DGKZ: variants seen among roughly 807,000 people sequenced by gnomAD.
DGKZ encodes DAG kinase zeta.
Under a neutral mutation model 142.5 loss-of-function variants are expected in DGKZ, and 45 were observed. That is an observed-to-expected ratio of 0.32 (90% confidence interval 0.25 to 0.40). The LOEUF (loss-of-function observed/expected upper bound fraction) is 0.40. Among genes scored for constraint, DGKZ ranks in the 10% least tolerant of loss-of-function variants. DGKZ has a pLI of 1.00. For missense variants in DGKZ, 755 were observed against 1,306.5 expected, an observed-to-expected ratio of 0.58 and a Z score of 6.51; for synonymous variants, 442 against 527.0, an observed-to-expected ratio of 0.84 and a Z score of 2.21.
chr11:46,341,906 A>C lies in DGKZ; in HGVS notation c.212+8419A>C, dbSNP rs570610979. Among the ~76,000 whole-genome samples, 3 of 152,320 alleles carry C rather than the reference A, an allele frequency of 2.0e-5. No individual in the cohort carries two copies. The South Asian group carries it at 6.2e-4, about 32-fold the overall frequency. Reference sequence around the variant, plus strand: ...GAAAATCTCTGCAGGGAAAGCCTGGACAAAGAGGCGGAAAAGCAAGAACAG... The same window carrying C: ...GAAAATCTCTGCAGGGAAAGCCTGGCCAAAGAGGCGGAAAAGCAAGAACAG... On this transcript the variant is annotated intron_variant, in intron 1 of 30. Coordinates refer to the DGKZ transcript ENST00000343674.
upstream of DGKZ, among the ~76,000 whole-genome samples, chr11:46,343,529 A>G (rs1679823133): frequency 6.6e-6 from 1 of 152,244 alleles, no homozygotes; most frequent in Admixed American, 6.5e-5. Context: ...CAGGGCGATT[A>G]AAGAATGCTT....
chr11:46,335,846 C>T lies in DGKZ; in HGVS notation c.212+2359C>T, dbSNP rs1453380091. On this transcript the variant is annotated intron_variant, in intron 1 of 30. Transcript: ENST00000343674. ...GAACAAACTGTGCTCTCCAACTAAG[C>T]CCTCTCTTGTGGCTGCTGTCCTGGG... Among the ~76,000 whole-genome samples the T allele has an allele frequency of 2.6e-5, 4 of 152,186 alleles. No individual in the cohort carries two copies. The East Asian group carries it at 5.8e-4, about 22-fold the overall frequency.
chr11:46,374,391 C>T lies in DGKZ; in HGVS notation c.1406-8C>T. ...ACTCACTGGCCCCCACTGCTTGTCTCCACCCAGAGGCCAACCCAGAGAAAT... is the reference window on the plus strand; with the variant it reads ...ACTCACTGGCCCCCACTGCTTGTCTTCACCCAGAGGCCAACCCAGAGAAAT... On this transcript the variant is annotated splice_polypyrimidine_tract_variant and splice_region_variant and intron_variant, in intron 15 of 30. Coordinates refer to ENST00000527911, the Ensembl canonical transcript of DGKZ. 1 of 1,614,074 alleles carries T rather than the reference C, an allele frequency of 6.2e-7. No homozygotes were observed. The highest frequency in any genetic ancestry group is 8.5e-7 in the Non-Finnish European group (1 of 1,180,038).
upstream of DGKZ, chr11:46,345,680 A>G (rs1440799794): frequency 2.4e-6 from 3 of 1,249,708 alleles, no homozygotes; most frequent in African/African-American, 4.8e-5. This position sits in a 1 kb window ranked among gnomAD's most constrained non-coding sequence, Gnocchi z 4.1. Flanking sequence ...AGGGTCACCC[A>G]TCTGTCATCC....
At chr11:46,348,102 G>A (rs1048647837) in intron 1 of DGKZ, among the ~76,000 whole-genome samples, 2 of 152,088 alleles carry the variant, frequency 1.3e-5, no homozygotes, top group African/African-American at 2.4e-5. Flanking sequence ...TAGTACCGTG[G>A]GAGGATCGGC....
intron 1 of DGKZ, among the ~76,000 whole-genome samples, chr11:46,358,552 A>T (rs1942293432): frequency 6.6e-6 from 1 of 152,354 alleles, no homozygotes; most frequent in East Asian, 1.9e-4. Flanking sequence ...GTTGCCAGGC[A>T]CAGGCCACCA....
exon 28 of DGKZ, chr11:46,379,103 T>C: frequency 6.2e-7 from 1 of 1,607,702 alleles, no homozygotes; most frequent in South Asian, 1.1e-5. Context: ...CGCTACCTGC[T>C]GGACCACGGT....
exon 24 of DGKZ, chr11:46,376,543 C>T: frequency 6.2e-7 from 1 of 1,613,866 alleles, no homozygotes; most frequent in Non-Finnish European, 8.5e-7. Flanking sequence ...CCAGCCGCTT[C>T]TACAGGATCG....
At chr11:46,378,059 A>C (rs895519606) in intron 25 of DGKZ, 139 bp from the exon 26 acceptor site, 2 of 1,065,132 alleles carry the variant, frequency 1.9e-6, no homozygotes, top group African/African-American at 3.1e-5. Context: ...CTGTATCCCC[A>C]GTGCCTGGAA....
chr11:46,378,810 G>A, intron 27 of DGKZ, 181 bp from the exon 28 acceptor site: 1 of 1,073,598 alleles, frequency 9.3e-7, no homozygotes, highest in East Asian at 2.6e-5. Context: ...CAGGCTGTGG[G>A]GTGAGAGGCC....
chr11:46,339,613 G>A (rs150895170), intron 1 of DGKZ, among the ~76,000 whole-genome samples: 23 of 152,344 alleles, frequency 1.5e-4, no homozygotes, highest in African/African-American at 4.8e-4. Context: ...AGCTTGGGAC[G>A]TGCCCCCAGC....
At chr11:46,350,685 G>T (rs1228839995) in intron 1 of DGKZ, among the ~76,000 whole-genome samples, 1 of 152,154 alleles carries the variant, frequency 6.6e-6, no homozygotes, top group Admixed American at 6.5e-5. Flanking sequence ...TTGGCAGGGG[G>T]TCTTGATGGC....
At chr11:46,364,821 T>G in intron 1 of DGKZ, 1 of 985,406 alleles carries the variant, frequency 1.0e-6, no homozygotes, top group African/African-American at 1.7e-5. Flanking sequence ...ATGCCAGCCT[T>G]CAGGGGACCA....
Position 46,373,120 on chromosome 11 carries a change from G to C in DGKZ, c.1326+19G>C. The C allele has an allele frequency of 6.5e-7, 1 of 1,537,788 alleles. No individual in the cohort carries two copies. The highest frequency in any genetic ancestry group is 8.8e-7 in the Non-Finnish European group (1 of 1,142,556). ...CGACCGGGTAAGTTGGCCAGGGTTG[G>C]TGGGGGGCAGGGCAGGTGACTGGGG... is the stretch of plus-strand genomic sequence containing the variant. On this transcript the variant is annotated intron_variant, in intron 14 of 30. Transcript: ENST00000527911.
intron 27 of DGKZ, 119 bp downstream of exon 27, chr11:46,378,619 C>T (rs1261764575): frequency 3.7e-6 from 5 of 1,353,524 alleles, no homozygotes; most frequent in Non-Finnish European, 5.2e-6. Flanking sequence ...CATCGTCTGG[C>T]CCTCTGTGGG....
Position 46,372,499 on chromosome 11 carries a change from G to A in DGKZ, c.999G>A (p.Gly333=), listed in dbSNP as rs753875385. The change falls in exon 11 of 31, where the codon GGG becomes GGA. Residue 333 remains glycine, a synonymous_variant. Coordinates refer to ENST00000527911, the Ensembl canonical transcript of DGKZ. The surrounding 1 kb of genome is among the most constrained non-coding windows in gnomAD (Gnocchi z 5.9). Reference sequence around the variant, plus strand: ...AAGTCTTCGACCTGAGCCAGGGAGGGCCCAAGGAGGCGTAAGTACTTGCCA... The same window carrying A: ...AAGTCTTCGACCTGAGCCAGGGAGGACCCAAGGAGGCGTAAGTACTTGCCA... 1.2e-6 allele frequency: 2 copies of A among 1,614,016 alleles called. No homozygotes were observed. The highest frequency in any genetic ancestry group is 3.3e-5 in the Admixed American group (2 of 60,022).
intron 1 of DGKZ, among the ~76,000 whole-genome samples, chr11:46,335,449 A>G (rs11822368): frequency 6.6e-6 from 1 of 152,146 alleles, no homozygotes; most frequent in Non-Finnish European, 1.5e-5. Flanking sequence ...ACACACACAC[A>G]CACACGCACA....
intron 1 of DGKZ, among the ~76,000 whole-genome samples, chr11:46,350,342 G>A (rs1199035592): frequency 6.6e-6 from 1 of 152,146 alleles, no homozygotes; most frequent in Admixed American, 6.5e-5. Flanking sequence ...ATGCTGCTTG[G>A]CTGGTCCTGC....
chr11:46,373,095 C>A, exon 14 of DGKZ: 1 of 1,543,350 alleles, frequency 6.5e-7, no homozygotes. Context: ...AAGGCGCCAC[C>A]GACCGGGTAA....
Sources: allele counts gnomAD v4.1 joint callset (sites outside exome capture counted in the v4.1 genomes callset), GRCh38; gene constraint gnomAD v4.1.1; non-coding constraint Gnocchi (gnomAD v3.1); transcripts MANE v1.5; gene names NCBI Gene and HGNC (gene_info 2026-07-23, HGNC 2026-07-21).